Variants in STPG3 observed in about 807,000 individuals in gnomAD.
STPG3 encodes the protein sperm-tail PG-rich repeat containing 3, also known as protein STPG3.
In STPG3, 39 loss-of-function variants were observed where a neutral mutation model predicts 32.5. The observed-to-expected ratio is 1.20, with a 90% confidence interval of 0.93 to 1.57. STPG3 has a LOEUF of 1.57. STPG3 is among the 40% of genes most tolerant of loss of function. The pLI, the probability that STPG3 is intolerant of heterozygous loss-of-function variation, is 0.00. For missense variants in STPG3, 507 were observed against 407.6 expected, an observed-to-expected ratio of 1.24 and a Z score of -2.10; for synonymous variants, 209 against 172.4, an observed-to-expected ratio of 1.21 and a Z score of -1.66.
Position 137,253,156 on chromosome 9 carries a change from A to G in STPG3, c.838A>G (p.Asn280Asp), listed in dbSNP as rs770658228. The stretch of plus-strand genomic sequence containing the variant: ...AGCCGCCTACCACGTGGAGGACTGC[A>G]ACTCACGCTTCCCTTCGGCGCCTGG... ...GPAAYHVEDC[N>D]SRFPSAPGVV... The change falls in exon 6 of 6, where the codon AAC becomes GAC. Residue 280 changes from asparagine (N) to aspartate (D), a missense_variant. Physicochemically the swap from Asn to Asp is conservative, Grantham distance 23 (BLOSUM62 1). Transcript: ENST00000412566. 4 of 1,600,994 alleles carry G rather than the reference A, an allele frequency of 2.5e-6. No homozygotes were observed. The highest frequency in any genetic ancestry group is 1.7e-5 in the Admixed American group (1 of 58,952).
intron 1 of STPG3, 141 bp downstream of exon 1, chr9:137,251,537 G>A: frequency 1.0e-6 from 1 of 970,844 alleles, no homozygotes; most frequent in Admixed American, 2.3e-5. Context: ...GCAGGCGGCT[G>A]GGAGCGGCCA....
chr9:137,252,133 G>A lies in STPG3; in HGVS notation c.401G>A (p.Arg134Gln), dbSNP rs373873739. ...AGCATCGGCTGCAAGCACCAGGGCC[G>A]AGGTGTGTGTCCCCTCCCTGAGGCC... ...HYSIGCKHQG[R>Q]EGGGRRAWQT... The change falls in exon 3 of 6, where the codon CGA becomes CAA. Residue 134 changes from arginine (R) to glutamine (Q), a missense_variant and splice_region_variant. Coordinates refer to ENST00000412566, the MANE Select transcript of STPG3 (RefSeq NM_001004353.4). The A allele has an allele frequency of 1.5e-5, 24 of 1,607,972 alleles. No homozygotes were observed. The highest frequency in any genetic ancestry group is 1.7e-4 in the Middle Eastern group (1 of 6,002).
Position 137,252,008 on chromosome 9 carries a change from GCAACGCCCCCTGAT to G in STPG3, c.279_292del (p.Gln93HisfsTer3), listed in dbSNP as rs1837350426. ...CTTGCTTCCTGTGGCCAGTGCTGGA[GCAACGCCCCCTGAT>G]CACAGCTGACCTGGAAGTCCCCAGC... On this transcript the variant is annotated frameshift_variant, in exon 3 of 6. Transcript: ENST00000412566. LOFTEE classifies it high-confidence loss of function. 1 of 1,611,084 alleles carries G rather than the reference GCAACGCCCCCTGAT, an allele frequency of 6.2e-7. No individual in the cohort carries two copies. Among genetic ancestry groups the G allele is most frequent in the Non-Finnish European group, 8.5e-7 (1 of 1,179,106 alleles).
At chr9:137,252,271 A>T in intron 3 of STPG3, 136 bp downstream of exon 3, 2 of 1,365,276 alleles carry the variant, frequency 1.5e-6, no homozygotes, top group East Asian at 2.5e-5. Flanking sequence ...TAGGCTCAGC[A>T]CCTGTAAGGA....
rs1564436498 is a variant in STPG3 at position 137,251,744 on chromosome 9, GGCATCTGT to G, written c.120_127del (p.Ser41ValfsTer12). 1.3e-6 allele frequency: 2 copies of G among 1,567,072 alleles called. No homozygotes were observed. Among genetic ancestry groups the G allele is most frequent in the South Asian group, 2.3e-5 (2 of 85,348 alleles). ...CTGCTGGTCTCCCTTGCAGGCCCAA[GGCATCTGT>G]GCTGTTGTTGGGCCCGGAGCCGGGG... On this transcript the variant is annotated frameshift_variant, in exon 2 of 6. Transcript: ENST00000412566. LOFTEE classifies it high-confidence loss of function.
Position 137,251,847 on chromosome 9 carries a change from A to AC in STPG3, c.226dup (p.Gln76ProfsTer25). The AC allele has an allele frequency of 4.4e-6, 7 of 1,607,054 alleles. No individual in the cohort carries two copies. The highest frequency in any genetic ancestry group is 3.4e-6 in the Non-Finnish European group (4 of 1,176,980). On this transcript the variant is annotated frameshift_variant, in exon 2 of 6. Transcript: ENST00000412566. LOFTEE classifies it high-confidence loss of function. ...AGTTGGCCTCAGGTTACAGACGGGC[A>AC]CCCCCCAGGAGTCCCTGCCCACCTA...
At position 137,252,685 on chromosome 9, in the gene STPG3, G is replaced by A; in HGVS notation, c.516G>A (p.Gln172=). Residue 172 remains glutamine (Q), a synonymous_variant, in exon 5 of 6, where the codon CAG becomes CAA. Transcript: ENST00000412566. ...EQKWPSPAHY[Q]LLSRPAFPAF... is the part of the protein sequence containing the mutation. Reference sequence around the variant, plus strand: ...AGTGGCCCTCGCCAGCCCACTACCAGCTGCTCAGCCGGCCCGCCTTCCCCG... The same window carrying A: ...AGTGGCCCTCGCCAGCCCACTACCAACTGCTCAGCCGGCCCGCCTTCCCCG... 6.5e-7 allele frequency: 1 copy of A among 1,550,076 alleles called. No homozygotes were observed. The highest frequency in any genetic ancestry group is 8.7e-7 in the Non-Finnish European group (1 of 1,146,890).
rs747288484 is a variant in STPG3 at position 137,253,387 on chromosome 9, G to A, written c.*142G>A. The A allele has an allele frequency of 1.3e-6, 2 of 1,509,242 alleles. No individual in the cohort carries two copies. Among genetic ancestry groups the A allele is most frequent in the South Asian group, 1.2e-5 (1 of 80,998 alleles). 93.5% of individuals were successfully genotyped at this position (1,509,242 alleles called of 1,614,324 possible). On this transcript the variant is annotated 3_prime_UTR_variant, in exon 6 of 6. Coordinates refer to ENST00000412566, the MANE Select transcript of STPG3 (RefSeq NM_001004353.4). ...GGCACCCCGATGCACCCTTCTGGCT[G>A]GCCAACCCTTCTATGGGCTGTGGAC...
Position 137,252,577 on chromosome 9 carries a change from G to C in STPG3, c.492+52G>C. On this transcript the variant is annotated intron_variant, in intron 4 of 5. Transcript: ENST00000412566. ...GGGAGTCCACGCAGGCAGGGGGCTG[G>C]GGGTTCCAGTGGGGCCAAAGGGGGG... The C allele has an allele frequency of 2.0e-6, 3 of 1,501,912 alleles. 1 individual carries two copies. The highest frequency in any genetic ancestry group is 2.7e-6 in the Non-Finnish European group (3 of 1,109,226). The allele number at this position is 1,501,912 out of a possible 1,614,324, so 93.0% of individuals were successfully genotyped here.
chr9:137,253,446 A>G lies in STPG3; in HGVS notation c.*201A>G. The G allele has an allele frequency of 7.0e-7, 1 of 1,438,796 alleles. No individual in the cohort carries two copies. 89.1% of individuals were successfully genotyped at this position (1,438,796 alleles called of 1,614,324 possible). A position where few individuals can be genotyped will look rare whatever the true frequency, so the allele number is the denominator to read the frequency against. ...CCCAGCCTGGATCCCCCATCTGCCCATCTCCCCGCTACACTGAGATGCTGT... is the reference window on the plus strand; with the variant it reads ...CCCAGCCTGGATCCCCCATCTGCCCGTCTCCCCGCTACACTGAGATGCTGT... On this transcript the variant is annotated 3_prime_UTR_variant, in exon 6 of 6. Transcript: ENST00000412566.
chr9:137,251,873 C>G lies in STPG3; in HGVS notation c.246C>G (p.Tyr82Ter). The change falls in exon 2 of 6, where the codon TAC (tyrosine) becomes TAG (stop). Residue 82 changes from tyrosine (Y) to a stop codon, truncating the protein, a stop_gained. Coordinates refer to ENST00000412566, the MANE Select transcript of STPG3 (RefSeq NM_001004353.4). LOFTEE classifies it high-confidence loss of function. ...TGTPQESLPT[Y>*]TQTLRELLLE... The stretch of plus-strand genomic sequence containing the variant: ...CCCCCCAGGAGTCCCTGCCCACCTA[C>G]ACCCAGACCCTGAGGGAACTATGTG... 1 of 1,608,728 alleles carries G rather than the reference C, an allele frequency of 6.2e-7. No homozygotes were observed. Among genetic ancestry groups the G allele is most frequent in the East Asian group, 2.2e-5 (1 of 44,676 alleles).
At position 137,252,076 on chromosome 9, in the gene STPG3, C is replaced by CCGTA. The variant is rs1175745846; in HGVS notation, c.347_350dup (p.Glu118ThrfsTer42). 1.2e-6 allele frequency: 2 copies of CCGTA among 1,612,900 alleles called. No individual in the cohort carries two copies. Among genetic ancestry groups the CCGTA allele is most frequent in the Admixed American group, 3.3e-5 (2 of 60,004 alleles). On this transcript the variant is annotated frameshift_variant, in exon 3 of 6. Coordinates refer to ENST00000412566, the MANE Select transcript of STPG3 (RefSeq NM_001004353.4). LOFTEE classifies it high-confidence loss of function. ...ACCAGGTACCAGGTGCCGAGCCCGT[C>CCGTA]CGTACGAGAGTCCTCCCCACACCCC...
At position 137,252,437 on chromosome 9, in the gene STPG3, A is replaced by C. The variant is rs1002636924; in HGVS notation, c.404A>C (p.Glu135Ala). ...CTCTCTCTCCATCCTCCAACTACAG[A>C]GGGCGGTGGCCGCAGGGCATGGCAG... The part of the protein sequence containing the change: ...YSIGCKHQGR[E>A]GGGRRAWQTL... The change falls in exon 4 of 6, where the codon GAG becomes GCG. Residue 135 changes from glutamate (E) to alanine (A), a missense_variant and splice_region_variant. Physicochemically the swap from Glu to Ala is moderately radical, Grantham distance 107. Transcript: ENST00000412566. 6.2e-7 allele frequency: 1 copy of C among 1,609,284 alleles called. No individual in the cohort carries two copies. The highest frequency in any genetic ancestry group is 1.3e-5 in the African/African-American group (1 of 74,678).
chr9:137,252,251 C>CGT, intron 3 of STPG3, 116 bp downstream of exon 3: 1 of 1,425,232 alleles, frequency 7.0e-7, no homozygotes, highest in Non-Finnish European at 9.5e-7. Context: ...CCCTTCCCTG[C>CGT]GTTCACCTCT....
chr9:137,253,118 G>A lies in STPG3; in HGVS notation c.800G>A (p.Arg267Gln), dbSNP rs371182671. The change falls in exon 6 of 6, where the codon CGA becomes CAA. Residue 267 changes from arginine (R) to glutamine (Q), a missense_variant. Physicochemically the swap from Arg to Gln is conservative, Grantham distance 43 (BLOSUM62 1). Transcript: ENST00000412566. Reference sequence around the variant, plus strand: ...TCCCAGCCTTCTCTTTCGGCAGCCCGAACCCCTGGCCCAGCCGCCTACCAC... The same window carrying A: ...TCCCAGCCTTCTCTTTCGGCAGCCCAAACCCCTGGCCCAGCCGCCTACCAC... ...PAFTSWLSTS[R>Q]TPGPAAYHVE... 3.1e-5 allele frequency: 48 copies of A among 1,565,770 alleles called. No homozygotes were observed. Among genetic ancestry groups the A allele is most frequent in the Middle Eastern group, 1.7e-4 (1 of 5,856 alleles).
rs1166791860 is a variant in STPG3, at chr9:137,253,443, C to T, written c.*198C>T. 1.4e-6 allele frequency: 2 copies of T among 1,440,480 alleles called. No individual in the cohort carries two copies. The highest frequency in any genetic ancestry group is 1.8e-6 in the Non-Finnish European group (2 of 1,099,786). 89.2% of individuals were successfully genotyped at this position (1,440,480 alleles called of 1,614,324 possible). A position where few individuals can be genotyped will look rare whatever the true frequency, so the allele number is the denominator to read the frequency against. ...TGGCCCAGCCTGGATCCCCCATCTG[C>T]CCATCTCCCCGCTACACTGAGATGC... On this transcript the variant is annotated 3_prime_UTR_variant, in exon 6 of 6. Transcript: ENST00000412566.
intron 3 of STPG3, 81 bp downstream of exon 3, chr9:137,252,216 C>G: frequency 6.5e-7 from 1 of 1,530,382 alleles, no homozygotes; most frequent in Non-Finnish European, 8.8e-7. Context: ...TGTGCTGAAA[C>G]CCCCACGGCC....
chr9:137,252,505 G>C lies in STPG3; in HGVS notation c.472G>C (p.Asp158His). 25 of 1,585,102 alleles carry C rather than the reference G, an allele frequency of 1.6e-5. No homozygotes were observed. Among genetic ancestry groups the C allele is most frequent in the Non-Finnish European group, 2.1e-5 (25 of 1,165,550 alleles). ...QSESPFTQKA[D>H]FDQEQKWPSP... The stretch of plus-strand genomic sequence containing the variant: ...CGAAAGCCCCTTCACGCAGAAAGCT[G>C]ACTTCGACCAAGAGCAAAAGGTTGG... The change falls in exon 4 of 6, where the codon GAC becomes CAC. Residue 158 changes from aspartate to histidine, a missense_variant. Transcript: ENST00000412566.
rs779662597 is a variant in STPG3 at position 137,253,377 on chromosome 9, C to G, written c.*132C>G. 2.0e-5 allele frequency: 30 copies of G among 1,517,320 alleles called. No individual in the cohort carries two copies. In the African/African-American group the frequency reaches 3.4e-4, roughly 17 times the overall value. 94.0% of individuals were successfully genotyped at this position (1,517,320 alleles called of 1,614,324 possible). A position where few individuals can be genotyped will look rare whatever the true frequency, so the allele number is the denominator to read the frequency against. On this transcript the variant is annotated 3_prime_UTR_variant, in exon 6 of 6. Coordinates refer to ENST00000412566, the MANE Select transcript of STPG3 (RefSeq NM_001004353.4). ...TGACCCTCTGGGCACCCCGATGCAC[C>G]CTTCTGGCTGGCCAACCCTTCTATG... is the stretch of plus-strand genomic sequence containing the variant.
Sources: gnomAD v4.1 joint callset for allele counts on GRCh38, gnomAD v4.1.1 for gene constraint, MANE v1.5 for transcripts, NCBI Gene and HGNC (gene_info 2026-07-23, HGNC 2026-07-21) for gene names.